RALGPS1: variants seen among roughly 807,000 people sequenced by gnomAD.
RALGPS1 encodes the protein Ral GEF with PH domain and SH3 binding motif 1.
In RALGPS1, 19 loss-of-function variants were observed where a neutral mutation model predicts 78.8. The observed-to-expected ratio is 0.24, with a 90% CI of 0.17 to 0.35. RALGPS1 has a LOEUF of 0.35. Ranked by LOEUF, RALGPS1 falls within the 10% of genes least tolerant of loss-of-function variation. The pLI, the probability that RALGPS1 is intolerant of heterozygous loss-of-function variation, is 1.00. For missense variants in RALGPS1, 454 were observed against 688.3 expected (o/e 0.66, Z 3.81); for synonymous variants, 228 against 256.3 (o/e 0.89, Z 1.06).
intron 8 of RALGPS1, among the ~76,000 whole-genome samples, chr9:127,131,471 G>T (rs1220368600): frequency 2.0e-5 from 3 of 152,196 alleles, no homozygotes; most frequent in Admixed American, 6.5e-5. Flanking sequence ...CTCCTGTGTG[G>T]ATTACGTCAT....
At chr9:126,963,133 A>T (rs2039071526) in intron 2 of RALGPS1, among the ~76,000 whole-genome samples, 1 of 152,218 alleles carries the variant, frequency 6.6e-6, no homozygotes, top group Admixed American at 6.5e-5. Context: ...TACCCTCATC[A>T]TCATCACCAA....
At chr9:127,143,872 C>T (rs771495378) in intron 8 of RALGPS1, among the ~76,000 whole-genome samples, 3 of 152,242 alleles carry the variant, frequency 2.0e-5, no homozygotes, top group Admixed American at 6.5e-5. Flanking sequence ...CAGGAGTCCT[C>T]GTTGGAGAAT....
At chr9:127,128,727 C>T (rs2056803586) in intron 8 of RALGPS1, among the ~76,000 whole-genome samples, 1 of 152,164 alleles carries the variant, frequency 6.6e-6, no homozygotes, top group Non-Finnish European at 1.5e-5. Flanking sequence ...CGCACCATGC[C>T]GGGTGGGGGA....
chr9:127,160,547 T>C (rs895757932), intron 8 of RALGPS1, among the ~76,000 whole-genome samples: 2 of 152,162 alleles, frequency 1.3e-5, no homozygotes, highest in African/African-American at 4.8e-5. Context: ...TGGTCTGGGA[T>C]CTGTCTCAGA....
chr9:126,951,133 C>T (rs2131740715), intron 1 of RALGPS1, among the ~76,000 whole-genome samples: 2 of 152,046 alleles, frequency 1.3e-5, no homozygotes, highest in South Asian at 4.2e-4. Context: ...AGTTGAATCT[C>T]TGAATAGACC....
chr9:127,030,970 A>G (rs1256435187), intron 4 of RALGPS1, among the ~76,000 whole-genome samples: 1 of 152,218 alleles, frequency 6.6e-6, no homozygotes, highest in African/African-American at 2.4e-5. Context: ...AGGACTGCAC[A>G]GGCTCTTAGT....
At chr9:127,168,880 C>A in intron 10 of RALGPS1, 108 bp downstream of exon 10, 2 of 834,090 alleles carry the variant, frequency 2.4e-6, no homozygotes, top group Non-Finnish European at 4.1e-6. Context: ...GAGTAGCCAC[C>A]TGCAGGGCTT....
chr9:126,960,672 C>T (rs952796006), intron 1 of RALGPS1, among the ~76,000 whole-genome samples: 6 of 152,182 alleles, frequency 3.9e-5, no homozygotes, highest in African/African-American at 1.2e-4. Context: ...GAGCCAACTG[C>T]AATTATCCAG....
chr9:126,999,561 T>C (rs2043098562), intron 4 of RALGPS1, among the ~76,000 whole-genome samples: 2 of 152,226 alleles, frequency 1.3e-5, no homozygotes, highest in South Asian at 2.1e-4. Context: ...GAATGTCTTA[T>C]AGTTAGAATC....
intron 14 of RALGPS1, among the ~76,000 whole-genome samples, chr9:127,208,360 T>C (rs971284916): frequency 1.3e-5 from 2 of 152,120 alleles, no homozygotes; most frequent in African/African-American, 4.8e-5. Flanking sequence ...GTGGGTCCAG[T>C]CCCAATGACA....
chr9:126,969,660 G>A (rs2039907132), intron 3 of RALGPS1, among the ~76,000 whole-genome samples: 2 of 152,186 alleles, frequency 1.3e-5, no homozygotes, highest in African/African-American at 4.8e-5. Context: ...GCAATAACGA[G>A]GCTTAAAAAT....
At chr9:127,028,193 GC>G (rs1404347557) in intron 4 of RALGPS1, among the ~76,000 whole-genome samples, 1 of 152,204 alleles carries the variant, frequency 6.6e-6, no homozygotes, top group Non-Finnish European at 1.5e-5. Context: ...GCTCTCAGAA[GC>G]CTGCCCAGGT....
intron 4 of RALGPS1, among the ~76,000 whole-genome samples, chr9:127,005,768 AT>A (rs2043781251): frequency 6.6e-6 from 1 of 152,156 alleles, no homozygotes; most frequent in Non-Finnish European, 1.5e-5. Context: ...TTAACCAGAT[AT>A]TTTTGGCCAT....
chr9:126,989,860 C>T (rs947174553), intron 4 of RALGPS1: 189 of 1,548,378 alleles, frequency 1.2e-4, no homozygotes, highest in Non-Finnish European at 1.6e-4. Flanking sequence ...CTTGACTTGA[C>T]CAGCATCTGT....
intron 8 of RALGPS1, 152 bp from the exon 9 acceptor site, chr9:127,165,917 T>C (rs955384012): frequency 2.5e-6 from 3 of 1,207,950 alleles, no homozygotes; most frequent in Admixed American, 3.5e-5. Context: ...GTGAAAAAAT[T>C]AGTAATCAGG....
At chr9:127,133,219 G>A (rs1191144349) in intron 8 of RALGPS1, among the ~76,000 whole-genome samples, 1 of 152,232 alleles carries the variant, frequency 6.6e-6, no homozygotes, top group Non-Finnish European at 1.5e-5. Flanking sequence ...GAGGCACCGT[G>A]CACCCTGGGG....
At chr9:127,179,510 G>T (rs963355929) in intron 11 of RALGPS1, among the ~76,000 whole-genome samples, 1 of 152,176 alleles carries the variant, frequency 6.6e-6, no homozygotes, top group African/African-American at 2.4e-5. Context: ...CTCAGGAGGG[G>T]GTTTAGGCTT....
intron 11 of RALGPS1, among the ~76,000 whole-genome samples, chr9:127,180,151 G>GA (rs2060125340): frequency 2.6e-5 from 4 of 152,172 alleles, no homozygotes; most frequent in South Asian, 4.1e-4. Context: ...TTCCTGGAGA[G>GA]AAAAAAATCA....
chr9:127,176,397 A>G (rs768389089), intron 11 of RALGPS1, among the ~76,000 whole-genome samples: 6 of 152,074 alleles, frequency 3.9e-5, no homozygotes, highest in Non-Finnish European at 7.4e-5. Flanking sequence ...GTCACCTACA[A>G]CTGACCTGTG....
Sources: gnomAD v4.1 joint callset for allele counts (sites outside exome capture counted in the v4.1 genomes callset) on GRCh38, gnomAD v4.1.1 for gene constraint, MANE v1.5 for transcripts, NCBI Gene and HGNC (gene_info 2026-07-23, HGNC 2026-07-21) for gene names.